The following SLC4A8 variants were observed in gnomAD, a reference collection of about 807,000 sequenced individuals.
SLC4A8 encodes electroneutral sodium bicarbonate exchanger 1.
Under a neutral mutation model 125.0 loss-of-function variants are expected in SLC4A8, and 40 were observed. That is an observed-to-expected ratio of 0.32 (90% CI 0.25 to 0.42). The LOEUF (loss-of-function observed/expected upper bound fraction) is 0.42. Ranked by LOEUF, SLC4A8 falls within the 10% of genes least tolerant of loss-of-function variation. The pLI is 1.00. For missense variants in SLC4A8, 863 were observed against 1,355.1 expected (o/e 0.64, Z 5.70); for synonymous variants, 456 against 476.0 (o/e 0.96, Z 0.55).
chr12:51,445,220 G>A (rs1165712681), intron 2 of SLC4A8, among the ~76,000 whole-genome samples: 1 of 152,162 alleles, frequency 6.6e-6, no homozygotes, highest in Admixed American at 6.5e-5. Context: ...CGCCCAGACT[G>A]AGTGCAGTAG....
chr12:51,395,053 C>T (rs560754230), intron 1 of SLC4A8, among the ~76,000 whole-genome samples: 21 of 149,118 alleles, frequency 1.4e-4, no homozygotes, highest in South Asian at 4.3e-4. Flanking sequence ...AAAAAAAAAA[C>T]GGGTTTCTGT....
chr12:51,515,088 T>C lies in SLC4A8; in HGVS notation c.*7650T>C, dbSNP rs966151118. On this transcript the variant is annotated 3_prime_UTR_variant, in exon 25 of 25. Coordinates refer to ENST00000453097, the MANE Select transcript of SLC4A8 (RefSeq NM_001039960.3). ...TTTCTTGAGAGAGAGAACTCACCCA[T>C]GGCACTTTTCTGAGCCCAGCAGAAA... The C allele has an allele frequency of 3.9e-5, 6 of 152,368 alleles. No individual in the cohort carries two copies. The highest frequency in any genetic ancestry group is 1.4e-4 in the African/African-American group (6 of 41,588). 9.4% of individuals were successfully genotyped at this position (152,368 alleles called of 1,614,324 possible).
At chr12:51,396,704 TC>T (rs1210518116) in intron 1 of SLC4A8, among the ~76,000 whole-genome samples, 2 of 150,898 alleles carry the variant, frequency 1.3e-5, no homozygotes. Flanking sequence ...AAGACTAGTT[TC>T]CTTCTAAGCC....
In SLC4A8 at chr12:51,513,423, C is replaced by A. The variant is rs891691041; in HGVS notation, c.*5985C>A. 1 of 151,502 alleles carries A rather than the reference C, an allele frequency of 6.6e-6. No homozygotes were observed. Among genetic ancestry groups the A allele is most frequent in the Non-Finnish European group, 1.5e-5 (1 of 67,906 alleles). 9.4% of individuals were successfully genotyped at this position (151,502 alleles called of 1,614,324 possible). On this transcript the variant is annotated 3_prime_UTR_variant, in exon 25 of 25. Coordinates refer to ENST00000453097, the MANE Select transcript of SLC4A8 (RefSeq NM_001039960.3). Reference sequence around the variant, plus strand: ...GATGGTGTGAAGAGTCGTTTCTCTTCGTCTGGGATGTGATTGGCTTTTGTT... The same window carrying A: ...GATGGTGTGAAGAGTCGTTTCTCTTAGTCTGGGATGTGATTGGCTTTTGTT...
intron 11 of SLC4A8, among the ~76,000 whole-genome samples, chr12:51,465,627 A>G (rs1233379866): frequency 6.6e-6 from 1 of 152,194 alleles, no homozygotes; most frequent in Non-Finnish European, 1.5e-5. Context: ...TGACAAAGCT[A>G]AAAGGAAGCT....
intron 1 of SLC4A8, among the ~76,000 whole-genome samples, chr12:51,394,696 G>T (rs900726878): frequency 1.3e-5 from 2 of 152,166 alleles, no homozygotes; most frequent in Non-Finnish European, 2.9e-5. Context: ...TGAGGGTGGA[G>T]GGTGGGAAGA....
At chr12:51,440,224 G>A (rs7956306) in intron 1 of SLC4A8, among the ~76,000 whole-genome samples, 60,961 of 151,840 alleles carry the variant, frequency 0.4, 12,654 homozygotes, top group Non-Finnish European at 0.45. Context: ...CAGAGGTATA[G>A]ATGGAGTGGG....
intron 17 of SLC4A8, among the ~76,000 whole-genome samples, chr12:51,487,297 T>C (rs1270502410): frequency 6.6e-6 from 1 of 152,186 alleles, no homozygotes; most frequent in Non-Finnish European, 1.5e-5. Context: ...GTACTATTAC[T>C]AGGGGTATCA....
At position 51,464,401 on chromosome 12, in the gene SLC4A8, A is replaced by C. The variant is rs1950449785; in HGVS notation, c.1349+687A>C. On this transcript the variant is annotated intron_variant, in intron 11 of 24. Transcript: ENST00000453097. ...AGGGTAGGAAGATAGGTACTATTTTAGGTGTGTGTGCCTCAGAATAGGCAA... is the reference window on the plus strand; with the variant it reads ...AGGGTAGGAAGATAGGTACTATTTTCGGTGTGTGTGCCTCAGAATAGGCAA... 1.3e-5 allele frequency among the ~76,000 whole-genome samples: 2 copies of C among 152,198 alleles called. 1 individual carries two copies. The highest frequency in any genetic ancestry group is 4.1e-4 in the South Asian group (2 of 4,826).
At chr12:51,448,326 A>G (rs772580034) in intron 2 of SLC4A8, among the ~76,000 whole-genome samples, 1 of 152,162 alleles carries the variant, frequency 6.6e-6, no homozygotes, top group Non-Finnish European at 1.5e-5. Context: ...GGAGTTGAAA[A>G]TCTAAGGTAA....
At chr12:51,402,938 G>A (rs932395097) in intron 1 of SLC4A8, 1 of 316,430 alleles carries the variant, frequency 3.2e-6, no homozygotes, top group African/African-American at 2.2e-5. Context: ...TCTCAGTATG[G>A]GACTGGGGGT....
At position 51,469,686 on chromosome 12, in the gene SLC4A8, C is replaced by T; in HGVS notation, c.1422C>T (p.Leu474=). 6.2e-7 allele frequency: 1 copy of T among 1,614,062 alleles called. No homozygotes were observed. The change falls in exon 12 of 25, where the codon CTC becomes CTT. Residue 474 remains leucine (L), a synonymous_variant. Coordinates refer to ENST00000453097, the MANE Select transcript of SLC4A8 (RefSeq NM_001039960.3). ...PWYWSDYRDA[L]SLQCLASFLF... is the part of the protein sequence containing the mutation. ...ACTGGAGCGACTACCGAGATGCACT[C>T]AGCTTACAGTGTTTGGCTTCCTTTC...
intron 1 of SLC4A8, among the ~76,000 whole-genome samples, chr12:51,396,009 G>T (rs1948253773): frequency 6.6e-6 from 1 of 152,194 alleles, no homozygotes; most frequent in Non-Finnish European, 1.5e-5. Flanking sequence ...AAGCAGAGCT[G>T]CTCCTAGTTC....
chr12:51,433,740 G>A (rs1034457681), intron 1 of SLC4A8, among the ~76,000 whole-genome samples: 1 of 151,402 alleles, frequency 6.6e-6, no homozygotes, highest in East Asian at 1.9e-4. Context: ...AACAAACTTT[G>A]TATGTGCCTG....
At chr12:51,459,927 C>T (rs929887251) in intron 7 of SLC4A8, 24 bp from the exon 8 acceptor site, 1 of 1,591,710 alleles carries the variant, frequency 6.3e-7, no homozygotes, top group Non-Finnish European at 8.5e-7. Flanking sequence ...CCCAAGTTGT[C>T]AGATGTTTCT....
At chr12:51,503,236 T>A (rs894408676) in intron 22 of SLC4A8, among the ~76,000 whole-genome samples, 2 of 151,274 alleles carry the variant, frequency 1.3e-5, no homozygotes, top group African/African-American at 2.4e-5. Context: ...ATTTTTATTT[T>A]TTTTTTGAGA....
chr12:51,418,102 T>C (rs1340888167), intron 1 of SLC4A8, among the ~76,000 whole-genome samples: 1 of 152,218 alleles, frequency 6.6e-6, no homozygotes, highest in African/African-American at 2.4e-5. Context: ...GAGATCATAA[T>C]GGGCTACAAG....
At position 51,498,607 on chromosome 12, in the gene SLC4A8, G is replaced by A. The variant is rs557218427; in HGVS notation, c.3081+1483G>A. Among the ~76,000 whole-genome samples, 7 of 150,420 alleles carry A rather than the reference G, an allele frequency of 4.7e-5. 1 individual carries two copies. Among genetic ancestry groups the A allele is most frequent in the African/African-American group, 1.2e-4 (5 of 40,864 alleles). ...CTAAAAATAGTAATATAGGCTGGGCGCGGTGGCTCATGCCTATAATCCCAG... is the reference window on the plus strand; with the variant it reads ...CTAAAAATAGTAATATAGGCTGGGCACGGTGGCTCATGCCTATAATCCCAG... On this transcript the variant is annotated intron_variant, in intron 22 of 24. Transcript: ENST00000453097.
At chr12:51,489,976 C>T (rs1196676334) in intron 19 of SLC4A8, 25 bp downstream of exon 19, 2 of 1,610,172 alleles carry the variant, frequency 1.2e-6, no homozygotes, top group African/African-American at 2.7e-5. Flanking sequence ...AGTCATTCAG[C>T]AAATATCAAG....
Sources: allele counts gnomAD v4.1 joint callset (sites outside exome capture counted in the v4.1 genomes callset), GRCh38; gene constraint gnomAD v4.1.1; transcripts MANE v1.5; gene names NCBI Gene and HGNC (gene_info 2026-07-23, HGNC 2026-07-21).